Variants in HFM1 observed in about 807,000 individuals in gnomAD.
HFM1 encodes helicase for meiosis 1, also known as probable ATP-dependent DNA helicase HFM1.
HFM1 carries 169 observed loss-of-function variants against 192.1 expected under a neutral mutation model. That is an observed-to-expected ratio of 0.88 (90% CI 0.78 to 1.00). The LOEUF is 1.00. HFM1 is among the 50% of genes least tolerant of loss of function. The pLI is 0.00. For synonymous variants in HFM1, 525 were observed against 537.8 expected, an observed-to-expected ratio of 0.98 and a Z score of 0.33; for missense variants, 1,661 against 1,668.0, an observed-to-expected ratio of 1.00 and a Z score of 0.07.
intron 23 of HFM1, among the ~76,000 whole-genome samples, chr1:91,321,495 C>T (rs1337512756): frequency 6.6e-6 from 1 of 151,892 alleles, no homozygotes; most frequent in Non-Finnish European, 1.5e-5. Flanking sequence ...AAACCAGAAA[C>T]TTGAAGGATA....
chr1:91,365,081 A>T (rs1659109124), intron 13 of HFM1, among the ~76,000 whole-genome samples: 1 of 152,114 alleles, frequency 6.6e-6, no homozygotes, highest in African/African-American at 2.4e-5. Context: ...CACTAACTGA[A>T]ATAAGCCAGT....
At chr1:91,287,907 G>T (rs900320702) in intron 30 of HFM1, among the ~76,000 whole-genome samples, 1 of 152,186 alleles carries the variant, frequency 6.6e-6, no homozygotes, top group African/African-American at 2.4e-5. Flanking sequence ...GGAAGAAAGG[G>T]TATCAGCGAT....
At chr1:91,403,036 T>C (rs886758493) in intron 1 of HFM1, among the ~76,000 whole-genome samples, 3 of 121,214 alleles carry the variant, frequency 2.5e-5, no homozygotes, top group African/African-American at 9.6e-5. Flanking sequence ...GTACATATTT[T>C]AGTTCTTATA....
intron 28 of HFM1, among the ~76,000 whole-genome samples, chr1:91,315,568 T>G (rs1651067795): frequency 6.6e-6 from 1 of 152,150 alleles, no homozygotes; most frequent in South Asian, 2.1e-4. Flanking sequence ...ATCTACTCAC[T>G]TGTTTCAGAT....
chr1:91,331,820 C>T lies in HFM1; in HGVS notation c.2336-7054G>A, dbSNP rs1034523472. Among the ~76,000 whole-genome samples the T allele has an allele frequency of 3.3e-5, 5 of 152,078 alleles. No individual in the cohort carries two copies. In the East Asian group the frequency reaches 5.8e-4, roughly 18 times the overall value. On this transcript the variant is annotated intron_variant, in intron 20 of 38. Transcript: ENST00000370425. ...CTGAGGCAGGAGAATCACTTGAACC[C>T]GAGAGGCAGAGGTTGCAGTGAGCCA...
intron 1 of HFM1, among the ~76,000 whole-genome samples, chr1:91,404,008 A>G (rs1264130589): frequency 6.6e-6 from 1 of 152,224 alleles, no homozygotes; most frequent in Non-Finnish European, 1.5e-5. Flanking sequence ...AAAATTATTG[A>G]TTTGCTAGAA....
intron 30 of HFM1, among the ~76,000 whole-genome samples, 177 bp downstream of exon 30, chr1:91,313,172 T>C (rs1318790142): frequency 6.6e-6 from 1 of 152,170 alleles, no homozygotes; most frequent in African/African-American, 2.4e-5. Context: ...TTACCCCAAT[T>C]TGACAAATAC....
At chr1:91,305,712 C>A (rs977612602) in intron 30 of HFM1, among the ~76,000 whole-genome samples, 1 of 151,892 alleles carries the variant, frequency 6.6e-6, no homozygotes, top group African/African-American at 2.4e-5. Flanking sequence ...GGTCTACAGG[C>A]AAGCACCACC....
intron 4 of HFM1, among the ~76,000 whole-genome samples, chr1:91,389,375 T>G (rs1662645899): frequency 6.6e-6 from 1 of 152,142 alleles, no homozygotes; most frequent in Non-Finnish European, 1.5e-5. Context: ...TTGGTCAGAC[T>G]GGTCTCGAAC....
chr1:91,262,864 G>C (rs568271371), intron 36 of HFM1, among the ~76,000 whole-genome samples: 1 of 152,096 alleles, frequency 6.6e-6, no homozygotes, highest in East Asian at 1.9e-4. Context: ...TGAGTCTTAT[G>C]CTTAATTGTC....
At chr1:91,404,589 G>C (rs1386096797) in intron 1 of HFM1, 1 of 262,472 alleles carries the variant, frequency 3.8e-6, no homozygotes, top group East Asian at 1.7e-4. Context: ...ACCGCTTTCT[G>C]ACTGGAAATG....
At chr1:91,344,313 A>C (rs1241470464) in intron 19 of HFM1, among the ~76,000 whole-genome samples, 1 of 152,136 alleles carries the variant, frequency 6.6e-6, no homozygotes, top group Non-Finnish European at 1.5e-5. Flanking sequence ...TCAAAAAAAC[A>C]CCCTTGGAGT....
chr1:91,327,414 G>T (rs1653077344), intron 20 of HFM1, among the ~76,000 whole-genome samples: 1 of 152,088 alleles, frequency 6.6e-6, no homozygotes, highest in South Asian at 2.1e-4. Context: ...GCTACTTGGG[G>T]GGCTGAGGTA....
intron 18 of HFM1, among the ~76,000 whole-genome samples, chr1:91,348,511 T>C (rs1053260799): frequency 6.6e-6 from 1 of 152,228 alleles, no homozygotes; most frequent in African/African-American, 2.4e-5. Flanking sequence ...TGAAGGGTTT[T>C]TTTGCTGCAT....
At chr1:91,270,676 A>G (rs897026988) in intron 34 of HFM1, among the ~76,000 whole-genome samples, 11 of 152,244 alleles carry the variant, frequency 7.2e-5, no homozygotes, top group Admixed American at 3.3e-4. Flanking sequence ...GGTTTTACTG[A>G]AATCAAAGGA....
intron 32 of HFM1, among the ~76,000 whole-genome samples, chr1:91,276,316 T>C (rs899135636): frequency 1.3e-5 from 2 of 152,198 alleles, no homozygotes; most frequent in African/African-American, 4.8e-5. Context: ...TAAAAAAGCA[T>C]GTTTACTTAC....
chr1:91,406,161 C>T (rs548451167), upstream of HFM1, among the ~76,000 whole-genome samples: 1 of 152,340 alleles, frequency 6.6e-6, no homozygotes, highest in Admixed American at 6.5e-5. Flanking sequence ...ACGGTATCTG[C>T]AAGCCAGGAA....
At chr1:91,364,446 C>T (rs1464495922) in intron 13 of HFM1, among the ~76,000 whole-genome samples, 2 of 150,942 alleles carry the variant, frequency 1.3e-5, no homozygotes, top group Middle Eastern at 3.2e-3. Context: ...TGGGTATATA[C>T]CCAAAGAAGA....
At position 91,380,251 on chromosome 1, in the gene HFM1, G is replaced by A. The variant is rs367582479; in HGVS notation, c.874-15C>T. 1.1e-5 allele frequency: 16 copies of A among 1,474,696 alleles called. No individual in the cohort carries two copies. Among genetic ancestry groups the A allele is most frequent in the Admixed American group, 2.2e-5 (1 of 44,614 alleles). The allele number at this position is 1,474,696 out of a possible 1,614,324, so 91.4% of individuals were successfully genotyped here. ...GTGTAAAGAAGCTAAAAAATAAAAAGTAATCAATCATGTAACATATAGACT... is the reference window on the plus strand; with the variant it reads ...GTGTAAAGAAGCTAAAAAATAAAAAATAATCAATCATGTAACATATAGACT... On this transcript the variant is annotated splice_polypyrimidine_tract_variant and intron_variant, in intron 7 of 38. Transcript: ENST00000370425.
Sources: gnomAD v4.1 joint callset for allele counts (sites outside exome capture counted in the v4.1 genomes callset) on GRCh38, gnomAD v4.1.1 for gene constraint, MANE v1.5 for transcripts, NCBI Gene and HGNC (gene_info 2026-07-23, HGNC 2026-07-21) for gene names.